MGAT4C: variants seen among roughly 807,000 people sequenced by gnomAD.
The protein encoded by MGAT4C is alpha-1,3-mannosyl-glycoprotein 4-beta-N-acetylglucosaminyltransferase C.
A neutral mutation model predicts 40.1 loss-of-function variants in MGAT4C; 19 were observed. The ratio of observed to expected loss-of-function variants is 0.47; its 90% CI spans 0.33 to 0.70. MGAT4C has a LOEUF of 0.70. MGAT4C is among the 30% of genes least tolerant of loss of function. MGAT4C has a pLI of 0.02. For synonymous variants in MGAT4C, 181 were observed against 187.1 expected, an observed-to-expected ratio of 0.97 and a Z score of 0.27; for missense variants, 491 against 563.2, an observed-to-expected ratio of 0.87 and a Z score of 1.30.
At chr12:86,613,429 G>C (rs1347161974) in intron 2 of MGAT4C, among the ~76,000 whole-genome samples, 1 of 151,960 alleles carries the variant, frequency 6.6e-6, no homozygotes, top group Non-Finnish European at 1.5e-5. Context: ...GTAAGTATTG[G>C]GACTTAATTA....
chr12:86,609,825 A>G (rs969820854), intron 2 of MGAT4C, among the ~76,000 whole-genome samples: 2 of 150,580 alleles, frequency 1.3e-5, no homozygotes, highest in Admixed American at 6.6e-5. Flanking sequence ...GGCCGTAGAC[A>G]TTTTTGATGC....
At chr12:86,575,477 T>C (rs568086698) in intron 2 of MGAT4C, among the ~76,000 whole-genome samples, 1 of 152,082 alleles carries the variant, frequency 6.6e-6, no homozygotes, top group South Asian at 2.1e-4. Context: ...TTTGTCATTC[T>C]GTGCCTGGCT....
intron 2 of MGAT4C, among the ~76,000 whole-genome samples, chr12:86,467,492 C>G (rs943380592): frequency 2.0e-5 from 3 of 152,058 alleles, no homozygotes; most frequent in African/African-American, 7.2e-5. Context: ...TAATAGCATC[C>G]AGAGACTATA....
At chr12:86,345,155 C>T (rs905063675) in intron 3 of MGAT4C, among the ~76,000 whole-genome samples, 3 of 152,034 alleles carry the variant, frequency 2.0e-5, no homozygotes, top group Admixed American at 6.6e-5. Context: ...TTAAGAACAT[C>T]ATACATAAAG....
At chr12:86,816,728 G>A (rs1566011399) in intron 1 of MGAT4C, among the ~76,000 whole-genome samples, 1 of 151,660 alleles carries the variant, frequency 6.6e-6, no homozygotes, top group Non-Finnish European at 1.5e-5. Flanking sequence ...GTGTGTCTGT[G>A]TATTGAGTGG....
chr12:86,725,606 G>A (rs557670350), intron 2 of MGAT4C, among the ~76,000 whole-genome samples: 22 of 151,986 alleles, frequency 1.4e-4, no homozygotes, highest in Non-Finnish European at 2.9e-4. Context: ...GATTACAGGC[G>A]CACGCTGCCT....
chr12:86,131,677 T>C (rs935065646), intron 1 of MGAT4C, among the ~76,000 whole-genome samples: 1 of 152,222 alleles, frequency 6.6e-6, no homozygotes, highest in African/African-American at 2.4e-5. Flanking sequence ...CCCTTAATTC[T>C]TTTATGATAA....
intron 2 of MGAT4C, among the ~76,000 whole-genome samples, chr12:86,708,385 C>A (rs192121629): frequency 1.3e-5 from 2 of 152,222 alleles, no homozygotes; most frequent in African/African-American, 4.8e-5. Flanking sequence ...GGGGTCCAGA[C>A]AGAAGTTTGC....
intron 1 of MGAT4C, among the ~76,000 whole-genome samples, chr12:86,167,814 G>A (rs1341742331): frequency 6.6e-6 from 1 of 152,132 alleles, no homozygotes; most frequent in African/African-American, 2.4e-5. Flanking sequence ...GAACTTTGGA[G>A]GACCCATTCA....
chr12:86,522,273 T>G (rs1351957302), intron 2 of MGAT4C, among the ~76,000 whole-genome samples: 1 of 152,208 alleles, frequency 6.6e-6, no homozygotes, highest in Non-Finnish European at 1.5e-5. Flanking sequence ...TTGGGGTATG[T>G]TCCTTCAGTA....
chr12:86,237,926 A>C (rs962082097), intron 1 of MGAT4C, among the ~76,000 whole-genome samples: 1 of 151,956 alleles, frequency 6.6e-6, no homozygotes, highest in African/African-American at 2.4e-5. Context: ...TGCACAAATA[A>C]GCATAAAATA....
intron 1 of MGAT4C, among the ~76,000 whole-genome samples, chr12:86,171,097 C>T (rs905981220): frequency 1.3e-4 from 19 of 151,584 alleles, no homozygotes; most frequent in African/African-American, 9.7e-5. Flanking sequence ...TATGGCTGGG[C>T]GCGGTGGCTC....
At chr12:86,298,615 A>T (rs868836315) in intron 4 of MGAT4C, among the ~76,000 whole-genome samples, 1 of 152,206 alleles carries the variant, frequency 6.6e-6, no homozygotes, top group African/African-American at 2.4e-5. Flanking sequence ...TAAATAATTA[A>T]TGATGGTCTT....
At chr12:86,345,755 T>C (rs1955017307) in intron 3 of MGAT4C, among the ~76,000 whole-genome samples, 2 of 152,308 alleles carry the variant, frequency 1.3e-5, no homozygotes, top group Admixed American at 6.5e-5. Flanking sequence ...TTATAATCCT[T>C]TGGGTATATA....
chr12:86,077,800 T>C (rs1870045380), intron 1 of MGAT4C, among the ~76,000 whole-genome samples: 1 of 152,168 alleles, frequency 6.6e-6, no homozygotes, highest in African/African-American at 2.4e-5. Flanking sequence ...CTGTACTCCA[T>C]GCACACTCTT....
Position 86,333,071 on chromosome 12 carries a change from C to A in MGAT4C, c.-57+994G>T, listed in dbSNP as rs565536701. ...AGAGGAAACCAATATAATGCTCTAT[C>A]GCACACAGAGTAGTATGTATGAATG... On this transcript the variant is annotated intron_variant, in intron 4 of 7. Coordinates refer to the MGAT4C transcript ENST00000548651. Among the ~76,000 whole-genome samples, 145 of 152,248 alleles carry A rather than the reference C, an allele frequency of 9.5e-4. 1 individual carries two copies. The highest frequency in any genetic ancestry group is 3.4e-3 in the Middle Eastern group (1 of 294).
chr12:86,166,713 T>C (rs552693588), intron 1 of MGAT4C, among the ~76,000 whole-genome samples: 22 of 152,268 alleles, frequency 1.4e-4, no homozygotes, highest in Non-Finnish European at 3.1e-4. Context: ...TTTCTTAACA[T>C]ATATGGTGTA....
chr12:86,092,449 A>C (rs1322792544), intron 1 of MGAT4C, among the ~76,000 whole-genome samples: 1 of 152,092 alleles, frequency 6.6e-6, no homozygotes, highest in Non-Finnish European at 1.5e-5. Context: ...AGAGGGTTTA[A>C]GGCATTTATT....
intron 4 of MGAT4C, among the ~76,000 whole-genome samples, chr12:86,303,835 T>C (rs1953871769): frequency 6.6e-6 from 1 of 150,662 alleles, no homozygotes; most frequent in African/African-American, 2.5e-5. Flanking sequence ...TGGTAATTTT[T>C]ACTTTGTTAC....
Sources: allele counts gnomAD v4.1 joint callset (sites outside exome capture counted in the v4.1 genomes callset), GRCh38; gene constraint gnomAD v4.1.1; transcripts MANE v1.5; gene names NCBI Gene and HGNC (gene_info 2026-07-23, HGNC 2026-07-21).